The following FOXP1 variants were observed in gnomAD, a reference collection of about 807,000 sequenced individuals.
The protein encoded by FOXP1 is forkhead box P1.
FOXP1 carries 15 observed loss-of-function variants against 98.2 expected under a neutral mutation model. That is an observed-to-expected ratio of 0.15 (90% CI 0.10 to 0.24). The LOEUF (loss-of-function observed/expected upper bound fraction) is 0.24. Ranked by LOEUF, FOXP1 falls within the 10% of genes least tolerant of loss-of-function variation. The pLI, the probability that FOXP1 is intolerant of heterozygous loss-of-function variation, is 1.00. For missense variants in FOXP1, 633 were observed against 848.5 expected (o/e 0.75, Z 3.15); for synonymous variants, 371 against 314.5 (o/e 1.18, Z -1.90).
intron 6 of FOXP1, among the ~76,000 whole-genome samples, chr3:71,195,348 A>C (rs2063232191): frequency 6.6e-6 from 1 of 152,230 alleles, no homozygotes; most frequent in Non-Finnish European, 1.5e-5. Context: ...AATATGAAGC[A>C]AACATGGAAA....
intron 19 of FOXP1, among the ~76,000 whole-genome samples, chr3:70,967,716 T>G (rs1383801694): frequency 7.4e-5 from 10 of 135,174 alleles, no homozygotes; most frequent in South Asian, 2.3e-4. Context: ...TTTTGTTTTT[T>G]TTTTTTTTTT....
intron 6 of FOXP1, among the ~76,000 whole-genome samples, chr3:71,162,371 C>T (rs2061180646): frequency 6.6e-6 from 1 of 152,200 alleles, no homozygotes; most frequent in Non-Finnish European, 1.5e-5. Context: ...CACTGCTTCC[C>T]ACAGCCTTTG....
intron 6 of FOXP1, among the ~76,000 whole-genome samples, chr3:71,122,752 C>T (rs745702438): frequency 1.3e-5 from 2 of 152,152 alleles, no homozygotes; most frequent in African/African-American, 2.4e-5. Context: ...AGTTCAGTGA[C>T]TTGCCCAAGG....
chr3:71,388,747 A>G (rs77941979), intron 3 of FOXP1, among the ~76,000 whole-genome samples: 2,642 of 152,344 alleles, frequency 0.017, 90 homozygotes, highest in African/African-American at 0.06. Context: ...TGCGGCATAC[A>G]TAATAAATCT....
chr3:71,404,774 C>T (rs1189685123), intron 3 of FOXP1, among the ~76,000 whole-genome samples: 1 of 152,100 alleles, frequency 6.6e-6, no homozygotes, highest in Non-Finnish European at 1.5e-5. Context: ...CCATTTTACC[C>T]CACACAGAGA....
intron 2 of FOXP1, among the ~76,000 whole-genome samples, chr3:71,525,586 G>C (rs1349248237): frequency 6.6e-6 from 1 of 152,184 alleles, no homozygotes; most frequent in Non-Finnish European, 1.5e-5. Flanking sequence ...GGTCTGCACA[G>C]GGTTGTGAAA....
intron 7 of FOXP1, among the ~76,000 whole-genome samples, chr3:71,065,260 G>A (rs1701311691): frequency 6.6e-6 from 1 of 152,034 alleles, no homozygotes; most frequent in Non-Finnish European, 1.5e-5. Flanking sequence ...GGCTCTGCGG[G>A]GCCGGGGCTG....
intron 2 of FOXP1, among the ~76,000 whole-genome samples, chr3:71,513,642 G>A (rs2042358104): frequency 6.6e-6 from 1 of 152,212 alleles, no homozygotes; most frequent in African/African-American, 2.4e-5. Context: ...GGGTCAGGGT[G>A]TAGCGCAAGG....
chr3:71,395,546 C>A (rs2081323242), intron 3 of FOXP1, among the ~76,000 whole-genome samples: 1 of 151,810 alleles, frequency 6.6e-6, no homozygotes. Context: ...TCTAAACTGG[C>A]CCAGGGGCAC....
intron 5 of FOXP1, among the ~76,000 whole-genome samples, chr3:71,240,520 T>G (rs2067168345): frequency 6.6e-6 from 1 of 151,030 alleles, no homozygotes; most frequent in Non-Finnish European, 1.5e-5. Flanking sequence ...GAAAATGTCA[T>G]TCAGTCATAT....
chr3:71,255,789 G>T (rs565020333), intron 5 of FOXP1, among the ~76,000 whole-genome samples: 1 of 152,054 alleles, frequency 6.6e-6, no homozygotes, highest in Non-Finnish European at 1.5e-5. Context: ...GGTCTGAAAC[G>T]AAACTCAAGT....
intron 1 of FOXP1, 106 bp downstream of exon 1, chr3:71,583,463 TTC>T (rs1215951657): frequency 2.0e-6 from 2 of 979,366 alleles, no homozygotes; most frequent in African/African-American, 3.6e-5. Context: ...TTTTCTTTCT[TTC>T]TTTTTTTTTT....
chr3:71,408,940 C>T (rs1472494941), intron 3 of FOXP1, among the ~76,000 whole-genome samples: 1 of 152,182 alleles, frequency 6.6e-6, no homozygotes, highest in Non-Finnish European at 1.5e-5. Context: ...ACCAGAAATG[C>T]CACGTTTAGC....
At chr3:71,562,501 A>T (rs1166684831) in intron 2 of FOXP1, among the ~76,000 whole-genome samples, 1 of 152,182 alleles carries the variant, frequency 6.6e-6, no homozygotes, top group African/African-American at 2.4e-5. Context: ...TTGACTAGGC[A>T]CAATGAACTA....
At position 71,358,948 on chromosome 3, in the gene FOXP1, C is replaced by T. The variant is rs149906609; in HGVS notation, c.-73+202G>A. ...GTCACCTTCCCACAAATATGATCCC[C>T]GTTATGAACCCTATTCTTGAAAACC... On this transcript the variant is annotated intron_variant, in intron 4 of 20. Transcript: ENST00000649528. Among the ~76,000 whole-genome samples the T allele has an allele frequency of 1.9e-3, 295 of 152,242 alleles. 1 individual carries two copies. The highest frequency in any genetic ancestry group is 6.8e-3 in the African/African-American group (283 of 41,536).
At chr3:71,330,124 C>T (rs925126319) in intron 4 of FOXP1, among the ~76,000 whole-genome samples, 1 of 152,220 alleles carries the variant, frequency 6.6e-6, no homozygotes, top group Non-Finnish European at 1.5e-5. Context: ...TCCTGCTATG[C>T]TTCAAAGCTG....
At chr3:71,390,590 TG>T (rs1318213318) in intron 3 of FOXP1, among the ~76,000 whole-genome samples, 44 of 40,742 alleles carry the variant, frequency 1.1e-3, no homozygotes, top group South Asian at 1.7e-3. Context: ...GGAGGGGGGT[TG>T]GGGGGGGCAG....
chr3:71,120,457 T>C (rs1421571811), intron 6 of FOXP1, among the ~76,000 whole-genome samples: 1 of 152,248 alleles, frequency 6.6e-6, no homozygotes, highest in Admixed American at 6.5e-5. Context: ...TAGGACATTT[T>C]GCATGGATTT....
At chr3:71,308,169 T>C (rs1161100348) in intron 4 of FOXP1, among the ~76,000 whole-genome samples, 2 of 152,032 alleles carry the variant, frequency 1.3e-5, no homozygotes, top group African/African-American at 4.8e-5. Flanking sequence ...GGGGGCGTAG[T>C]TGCAGTGAGA....
Sources: allele counts gnomAD v4.1 joint callset (sites outside exome capture counted in the v4.1 genomes callset), GRCh38; gene constraint gnomAD v4.1.1; transcripts MANE v1.5; gene names NCBI Gene and HGNC (gene_info 2026-07-23, HGNC 2026-07-21).